Variants in LRRFIP2 observed in about 807,000 individuals in gnomAD.
The protein encoded by LRRFIP2 is leucine-rich repeat flightless-interacting protein 2.
Under a neutral mutation model 125.9 loss-of-function variants are expected in LRRFIP2, and 109 were observed. That is an observed-to-expected ratio of 0.87 (90% confidence interval 0.74 to 1.01). LRRFIP2 has a LOEUF of 1.01. Among genes scored for constraint, LRRFIP2 ranks in the 50% least tolerant of loss-of-function variants. The pLI, the probability that LRRFIP2 is intolerant of heterozygous loss-of-function variation, is 0.00. For missense variants in LRRFIP2, 850 were observed against 862.3 expected, an observed-to-expected ratio of 0.99 and a Z score of 0.18; for synonymous variants, 291 against 293.1, an observed-to-expected ratio of 0.99 and a Z score of 0.07.
chr3:37,094,755 A>T (rs779459584), intron 17 of LRRFIP2, 37 bp downstream of exon 17: 76 of 1,374,968 alleles, frequency 5.5e-5, no homozygotes, highest in Non-Finnish European at 7.8e-5. Flanking sequence ...AAGTCAAAAA[A>T]CTGCTTTTAA....
chr3:37,066,149 G>A (rs757070990), intron 22 of LRRFIP2, 75 bp downstream of exon 22: 1 of 1,420,150 alleles, frequency 7.0e-7, no homozygotes, highest in Non-Finnish European at 1.0e-6. Context: ...GGCTAGGAAA[G>A]ATGGCAGGAT....
At chr3:37,142,845 G>T (rs946586979) in intron 2 of LRRFIP2, among the ~76,000 whole-genome samples, 1 of 152,132 alleles carries the variant, frequency 6.6e-6, no homozygotes, top group African/African-American at 2.4e-5. Flanking sequence ...TAAACAGTAC[G>T]AGTTCAAAAA....
At chr3:37,100,356 A>G (rs1437375182) in intron 15 of LRRFIP2, among the ~76,000 whole-genome samples, 3 of 151,960 alleles carry the variant, frequency 2.0e-5, no homozygotes, top group Non-Finnish European at 4.4e-5. Context: ...ATGCGTATAT[A>G]TATACACATA....
chr3:37,158,567 A>G (rs893478490), intron 1 of LRRFIP2, among the ~76,000 whole-genome samples: 1 of 151,630 alleles, frequency 6.6e-6, no homozygotes, highest in African/African-American at 2.4e-5. Context: ...AGGTCGCATC[A>G]CTGCACTCCA....
chr3:37,063,043 A>G (rs929787468), intron 24 of LRRFIP2, among the ~76,000 whole-genome samples: 3 of 152,210 alleles, frequency 2.0e-5, no homozygotes, highest in Non-Finnish European at 4.4e-5. Context: ...ATAACACCAG[A>G]TGCATCTGAA....
intron 18 of LRRFIP2, among the ~76,000 whole-genome samples, chr3:37,085,411 C>T (rs1173835352): frequency 6.6e-6 from 1 of 151,540 alleles, no homozygotes; most frequent in Non-Finnish European, 1.5e-5. Flanking sequence ...ATCCCAGCTA[C>T]TCAGGAGGCT....
At chr3:37,128,578 T>C (rs1227639264) in intron 3 of LRRFIP2, among the ~76,000 whole-genome samples, 1 of 152,172 alleles carries the variant, frequency 6.6e-6, no homozygotes, top group Non-Finnish European at 1.5e-5. Context: ...ATGCTATATA[T>C]GGATACTGGT....
intron 24 of LRRFIP2, among the ~76,000 whole-genome samples, chr3:37,059,386 G>C (rs113607039): frequency 1.9e-4 from 29 of 152,108 alleles, no homozygotes; most frequent in African/African-American, 6.7e-4. Flanking sequence ...TAACTGATAG[G>C]GTATATTCAA....
upstream of LRRFIP2, chr3:37,174,622 G>C (rs948256302): frequency 2.6e-5 from 4 of 151,944 alleles, no homozygotes; most frequent in African/African-American, 7.2e-5. Flanking sequence ...AAAAAAAAAG[G>C]GGGGGAAGGA....
chr3:37,053,812 G>A lies in LRRFIP2; in HGVS notation c.*39C>T, dbSNP rs757127704. 8.0e-6 allele frequency: 11 copies of A among 1,369,482 alleles called. No homozygotes were observed. The highest frequency in any genetic ancestry group is 1.8e-4 in the Middle Eastern group (1 of 5,572). 84.8% of individuals were successfully genotyped at this position (1,369,482 alleles called of 1,614,324 possible). ...GACAAAAGTCAGTCCCTCTAGGTAG[G>A]GCCCCAAGGAGCATCACCCAGGTTG... On this transcript the variant is annotated 3_prime_UTR_variant, in exon 28 of 28. Transcript: ENST00000336686.
At chr3:37,136,086 T>C (rs1387502067) in intron 2 of LRRFIP2, among the ~76,000 whole-genome samples, 1 of 152,186 alleles carries the variant, frequency 6.6e-6, no homozygotes, top group Non-Finnish European at 1.5e-5. Context: ...ATCCATACAA[T>C]GGAATATTAT....
intron 21 of LRRFIP2, 108 bp from the exon 22 acceptor site, chr3:37,066,433 C>A: frequency 1.2e-6 from 1 of 850,452 alleles, no homozygotes; most frequent in South Asian, 1.4e-5. Context: ...GCATAAAAAG[C>A]AAGAAAGCAG....
chr3:37,163,767 A>G (rs1052077942), intron 1 of LRRFIP2, among the ~76,000 whole-genome samples: 4 of 152,198 alleles, frequency 2.6e-5, no homozygotes, highest in African/African-American at 9.7e-5. Flanking sequence ...ACATGTATGG[A>G]CATGGAGGAT....
At chr3:37,066,801 T>C (rs906842601) in intron 21 of LRRFIP2, 1 of 155,258 alleles carries the variant, frequency 6.4e-6, no homozygotes, top group African/African-American at 2.4e-5. Flanking sequence ...CTATTATACA[T>C]AGGTATTTTA....
In LRRFIP2 at chr3:37,121,544, A is replaced by C; in HGVS notation, c.286-8T>G. 1 of 1,613,250 alleles carries C rather than the reference A, an allele frequency of 6.2e-7. No individual in the cohort carries two copies. Among genetic ancestry groups the C allele is most frequent in the Non-Finnish European group, 8.5e-7 (1 of 1,179,320 alleles). ...CAATGCATCCTCAACTCCCTGATAAAAATGAAAATAAACACAGTAAAAGTT... is the reference window on the plus strand; with the variant it reads ...CAATGCATCCTCAACTCCCTGATAACAATGAAAATAAACACAGTAAAAGTT... On this transcript the variant is annotated splice_region_variant and splice_polypyrimidine_tract_variant and intron_variant, in intron 5 of 27. Coordinates refer to ENST00000336686, the MANE Select transcript of LRRFIP2 (RefSeq NM_006309.4).
intron 4 of LRRFIP2, among the ~76,000 whole-genome samples, chr3:37,123,810 A>G (rs2095168441): frequency 6.6e-6 from 1 of 152,190 alleles, no homozygotes; most frequent in South Asian, 2.1e-4. Flanking sequence ...ATTTTCAAAA[A>G]TCTCACCTAA....
At position 37,075,074 on chromosome 3, in the gene LRRFIP2, T is replaced by C; in HGVS notation, c.1321A>G (p.Lys441Glu). ...AGGCCTTCTTTAAGTTCTTCCATCT[T>C]ATGCTGCAGCACACTACACATATGT... ...QKHMCSVLQHKMEELKEGLRQ... is the reference protein window; with the variant it reads ...QKHMCSVLQHEMEELKEGLRQ... The change falls in exon 20 of 28, where the codon AAG (lysine) becomes GAG (glutamate). Residue 441 changes from lysine to glutamate, a missense_variant. Physicochemically the swap from Lys to Glu is moderately conservative, Grantham distance 56. Coordinates refer to ENST00000336686, the MANE Select transcript of LRRFIP2 (RefSeq NM_006309.4). 6.2e-7 allele frequency: 1 copy of C among 1,612,950 alleles called. No individual in the cohort carries two copies. The highest frequency in any genetic ancestry group is 1.1e-5 in the South Asian group (1 of 91,078).
intron 21 of LRRFIP2, chr3:37,068,834 T>C (rs1036986402): frequency 1.3e-5 from 2 of 152,324 alleles, no homozygotes; most frequent in East Asian, 1.9e-4. Flanking sequence ...GAGTTTATGC[T>C]GGGCTATAGA....
chr3:37,066,406 A>G (rs1288197658), intron 21 of LRRFIP2, 81 bp from the exon 22 acceptor site: 16 of 1,082,906 alleles, frequency 1.5e-5, no homozygotes, highest in Non-Finnish European at 2.3e-5. Flanking sequence ...ACCTAATTCA[A>G]ATAAGCAAAG....
Sources: gnomAD v4.1 joint callset for allele counts (sites outside exome capture counted in the v4.1 genomes callset) on GRCh38, gnomAD v4.1.1 for gene constraint, MANE v1.5 for transcripts, NCBI Gene and HGNC (gene_info 2026-07-23, HGNC 2026-07-21) for gene names.